The following MAP2 variants were observed in gnomAD, a reference collection of about 807,000 sequenced individuals.
MAP2 encodes microtubule associated protein 2, also known as microtubule-associated protein 2.
In MAP2, 14 loss-of-function variants were observed where a neutral mutation model predicts 137.6. The ratio of observed to expected loss-of-function variants is 0.10; its 90% CI spans 0.07 to 0.16. The LOEUF is 0.16. Ranked by LOEUF, MAP2 falls within the 10% of genes least tolerant of loss-of-function variation. The pLI, the probability that MAP2 is intolerant of heterozygous loss-of-function variation, is 1.00. For synonymous variants in MAP2, 786 were observed against 782.3 expected, an observed-to-expected ratio of 1.00 and a Z score of -0.08; for missense variants, 2,088 against 2,191.5, an observed-to-expected ratio of 0.95 and a Z score of 0.94.
At chr2:209,636,361 G>A (rs190361955) in intron 4 of MAP2, among the ~76,000 whole-genome samples, 223 of 152,150 alleles carry the variant, frequency 1.5e-3, no homozygotes, top group Non-Finnish European at 2.2e-3. Flanking sequence ...AGACTGCTGT[G>A]GCACTAGAAA....
At chr2:209,530,248 G>C (rs1231649186) in intron 2 of MAP2, among the ~76,000 whole-genome samples, 1 of 152,022 alleles carries the variant, frequency 6.6e-6, no homozygotes. Flanking sequence ...TTTCTGACTA[G>C]TCACATATAC....
At chr2:209,475,086 G>A (rs111236358) in intron 1 of MAP2, among the ~76,000 whole-genome samples, 34 of 152,112 alleles carry the variant, frequency 2.2e-4, no homozygotes, top group African/African-American at 8.2e-4. Flanking sequence ...TAATCCTGCA[G>A]TCTGGAAAAT....
chr2:209,451,129 A>G (rs1001159861), intron 1 of MAP2, among the ~76,000 whole-genome samples: 1 of 152,182 alleles, frequency 6.6e-6, no homozygotes, highest in Non-Finnish European at 1.5e-5. Context: ...ATCCTCTGAT[A>G]CTGATATAAG....
chr2:209,685,094 G>A (rs1466748926), intron 7 of MAP2, among the ~76,000 whole-genome samples: 1 of 151,990 alleles, frequency 6.6e-6, no homozygotes, highest in Admixed American at 6.6e-5. Flanking sequence ...TGCCCAAAAT[G>A]TTATGGTTTA....
At chr2:209,486,678 T>G (rs1214931445) in intron 1 of MAP2, among the ~76,000 whole-genome samples, 1 of 152,256 alleles carries the variant, frequency 6.6e-6, no homozygotes, top group Admixed American at 6.5e-5. Flanking sequence ...AATGTTTTGC[T>G]TGTGGTTTTA....
intron 2 of MAP2, among the ~76,000 whole-genome samples, chr2:209,510,430 G>T (rs576135438): frequency 2.0e-4 from 31 of 152,074 alleles, no homozygotes; most frequent in African/African-American, 7.0e-4. Context: ...AAATGTTTAT[G>T]TTCACTGCTG....
At chr2:209,621,741 C>T (rs1472679916) in intron 3 of MAP2, among the ~76,000 whole-genome samples, 1 of 152,190 alleles carries the variant, frequency 6.6e-6, no homozygotes, top group Admixed American at 6.5e-5. Context: ...GAAACCACAA[C>T]ATGGCAACAT....
intron 5 of MAP2, among the ~76,000 whole-genome samples, chr2:209,676,161 G>A (rs768213135): frequency 1.6e-4 from 24 of 151,872 alleles, no homozygotes; most frequent in Non-Finnish European, 2.4e-4. Context: ...ATGATAGATT[G>A]GATAAAGAAA....
chr2:209,679,941 A>T (rs1583241575), intron 6 of MAP2, among the ~76,000 whole-genome samples: 1 of 152,128 alleles, frequency 6.6e-6, no homozygotes, highest in East Asian at 1.9e-4. Flanking sequence ...AATTCCCCTA[A>T]TATTTAAAAT....
intron 1 of MAP2, among the ~76,000 whole-genome samples, chr2:209,457,506 G>T (rs1001875418): frequency 6.6e-6 from 1 of 152,164 alleles, no homozygotes; most frequent in Non-Finnish European, 1.5e-5. Context: ...GTGTGAATGG[G>T]ATGCTTTGGT....
chr2:209,594,267 G>C (rs12615372), intron 3 of MAP2, among the ~76,000 whole-genome samples: 22,761 of 151,666 alleles, frequency 0.15, 2,256 homozygotes, highest in African/African-American at 0.28. Context: ...ATCTGTATTA[G>C]ACCAGGTTCC....
In MAP2 at chr2:209,693,774, A is replaced by C. The variant is rs1328622185; in HGVS notation, c.1604A>C (p.Glu535Ala). The C allele has an allele frequency of 6.2e-7, 1 of 1,613,888 alleles. No individual in the cohort carries two copies. Among genetic ancestry groups the C allele is most frequent in the Non-Finnish European group, 8.5e-7 (1 of 1,179,994 alleles). ...SALIEKSSIQELFEMRVDDKD... is the reference protein window; with the variant it reads ...SALIEKSSIQALFEMRVDDKD... ...TTAATTGAAAAGAGCTCAATTCAGG[A>C]ACTTTTTGAAATGAGAGTTGATGAC... is the stretch of plus-strand genomic sequence containing the variant. Residue 535 changes from glutamate to alanine, a missense_variant, in exon 8 of 16, where the codon GAA becomes GCA. Transcript: ENST00000682079.
chr2:209,501,359 GC>G (rs2060358556), intron 1 of MAP2, among the ~76,000 whole-genome samples: 1 of 152,068 alleles, frequency 6.6e-6, no homozygotes, highest in African/African-American at 2.4e-5. Context: ...GTATAATCAG[GC>G]CTATTTGAGT....
intron 7 of MAP2, among the ~76,000 whole-genome samples, chr2:209,690,433 T>C (rs1010813719): frequency 3.9e-5 from 6 of 152,146 alleles, no homozygotes; most frequent in Admixed American, 3.9e-4. Flanking sequence ...CAGTACCTAA[T>C]GTATGTTGCA....
chr2:209,590,102 C>G (rs1482782481), intron 3 of MAP2, among the ~76,000 whole-genome samples: 1 of 152,204 alleles, frequency 6.6e-6, no homozygotes, highest in African/African-American at 2.4e-5. Flanking sequence ...CCACCTCTTC[C>G]TCAGTTCTCC....
intron 2 of MAP2, among the ~76,000 whole-genome samples, chr2:209,556,342 C>T (rs1362252066): frequency 6.6e-6 from 1 of 152,112 alleles, no homozygotes; most frequent in African/African-American, 2.4e-5. Flanking sequence ...CTGCATCCCG[C>T]CCCAGGCCTT....
intron 4 of MAP2, among the ~76,000 whole-genome samples, chr2:209,647,034 C>A (rs2094463539): frequency 6.6e-6 from 1 of 152,114 alleles, no homozygotes; most frequent in Non-Finnish European, 1.5e-5. Flanking sequence ...TCGGGGAGGC[C>A]TCAGAAACCT....
chr2:209,446,767 C>T (rs935929738), intron 1 of MAP2, among the ~76,000 whole-genome samples: 9 of 151,796 alleles, frequency 5.9e-5, no homozygotes, highest in South Asian at 2.1e-4. Context: ...AATAGTAGGA[C>T]GGTGTAAAGT....
chr2:209,488,841 A>AG (rs1321322366), intron 1 of MAP2, among the ~76,000 whole-genome samples: 3 of 152,288 alleles, frequency 2.0e-5, no homozygotes, highest in South Asian at 2.1e-4. Flanking sequence ...ACCTGGGGAA[A>AG]GGGGGGGATG....
Sources: allele counts gnomAD v4.1 joint callset (sites outside exome capture counted in the v4.1 genomes callset), GRCh38; gene constraint gnomAD v4.1.1; transcripts MANE v1.5; gene names NCBI Gene and HGNC (gene_info 2026-07-23, HGNC 2026-07-21).